RORB: variants seen among roughly 807,000 people sequenced by gnomAD.
RORB encodes the protein nuclear receptor ROR-beta.
In RORB, 6 loss-of-function variants were observed where a neutral mutation model predicts 59.1. That is an observed-to-expected ratio of 0.10 (90% CI 0.06 to 0.20). RORB has a LOEUF of 0.20. Ranked by LOEUF, RORB falls within the 10% of genes least tolerant of loss-of-function variation. The pLI, the probability that RORB is intolerant of heterozygous loss-of-function variation, is 1.00. For synonymous variants in RORB, 215 were observed against 204.5 expected (o/e 1.05, Z -0.44); for missense variants, 320 against 560.5 (o/e 0.57, Z 4.33).
intron 8 of RORB, among the ~76,000 whole-genome samples, chr9:74,669,661 A>G (rs1232282779): frequency 6.6e-6 from 1 of 152,182 alleles, no homozygotes. Context: ...CATCACTGAC[A>G]GGTCTCTACA....
At chr9:74,608,563 C>CAA (rs34028088) in intron 1 of RORB, among the ~76,000 whole-genome samples, 33,482 of 126,896 alleles carry the variant, frequency 0.26, 4,585 homozygotes, top group Non-Finnish European at 0.3. Context: ...GACTCCGTCT[C>CAA]AAAAAAAAAA....
intron 1 of RORB, among the ~76,000 whole-genome samples, chr9:74,570,567 A>G (rs966095394): frequency 6.6e-6 from 1 of 152,186 alleles, no homozygotes; most frequent in Non-Finnish European, 1.5e-5. Flanking sequence ...GTTATGCCAA[A>G]AAGAGTATTT....
chr9:74,650,058 A>G (rs1823967176), intron 4 of RORB, among the ~76,000 whole-genome samples: 1 of 152,226 alleles, frequency 6.6e-6, no homozygotes, highest in Admixed American at 6.5e-5. Flanking sequence ...CTGGAAAGCC[A>G]ACTCCATTTC....
At chr9:74,633,176 AT>A (rs1823647898) in intron 2 of RORB, among the ~76,000 whole-genome samples, 1 of 152,194 alleles carries the variant, frequency 6.6e-6, no homozygotes, top group African/African-American at 2.4e-5. Flanking sequence ...ACTATTGGGT[AT>A]TTTTGCATTA....
In RORB at chr9:74,686,971, C is replaced by T. The variant is rs1824658374; in HGVS notation, c.*1353C>T. The T allele has an allele frequency of 1.3e-5, 2 of 152,076 alleles. No homozygotes were observed. Among genetic ancestry groups the T allele is most frequent in the South Asian group, 4.1e-4 (2 of 4,826 alleles). The allele number at this position is 152,076 out of a possible 1,614,324, so 9.4% of individuals were successfully genotyped here. ...TTTACAGTTACATCATCCATTTACC[C>T]TAGAATTATTTTTTTAGCAACTTTT... On this transcript the variant is annotated 3_prime_UTR_variant, in exon 10 of 10. Transcript: ENST00000376896.
At chr9:74,507,289 T>A (rs1035006712) in intron 1 of RORB, among the ~76,000 whole-genome samples, 1 of 152,098 alleles carries the variant, frequency 6.6e-6, no homozygotes, top group Non-Finnish European at 1.5e-5. Flanking sequence ...TAGTAAACAG[T>A]AAACTGCTAT....
At chr9:74,624,587 G>C (rs1425997372) in intron 1 of RORB, among the ~76,000 whole-genome samples, 1 of 152,198 alleles carries the variant, frequency 6.6e-6, no homozygotes. Flanking sequence ...CAGTGGAACT[G>C]GTTCCCAGAG....
intron 1 of RORB, among the ~76,000 whole-genome samples, chr9:74,582,197 A>G (rs1162033295): frequency 6.6e-6 from 1 of 152,232 alleles, no homozygotes; most frequent in Non-Finnish European, 1.5e-5. Flanking sequence ...ACAAGTTTAT[A>G]ACCATACTTA....
At chr9:74,623,053 A>G (rs1167172565) in intron 1 of RORB, among the ~76,000 whole-genome samples, 1 of 152,222 alleles carries the variant, frequency 6.6e-6, no homozygotes, top group Non-Finnish European at 1.5e-5. Context: ...TTGGATTTCC[A>G]GAACTACTGT....
At chr9:74,613,063 A>G (rs534859431) in intron 1 of RORB, among the ~76,000 whole-genome samples, 1 of 152,332 alleles carries the variant, frequency 6.6e-6, no homozygotes, top group Non-Finnish European at 1.5e-5. Context: ...ATTACTTATG[A>G]ATTAATTAAT....
At chr9:74,512,890 C>T (rs1363850405) in intron 1 of RORB, among the ~76,000 whole-genome samples, 1 of 152,104 alleles carries the variant, frequency 6.6e-6, no homozygotes, top group African/African-American at 2.4e-5. Context: ...TGGTTCCCAA[C>T]ACGGAAAACT....
At position 74,515,745 on chromosome 9, in the gene RORB, C is replaced by T. The variant is rs1240209702; in HGVS notation, c.7+17762C>T. 2.0e-5 allele frequency among the ~76,000 whole-genome samples: 3 copies of T among 152,002 alleles called. No homozygotes were observed. In the East Asian group the frequency reaches 5.8e-4, roughly 29 times the overall value. ...CAAATTGTTAAGTAAGAGTACAACA[C>T]ACTATGGCATTCCCAAATGACATCT... is the stretch of plus-strand genomic sequence containing the variant. On this transcript the variant is annotated intron_variant, in intron 1 of 9. Transcript: ENST00000376896.
At chr9:74,668,443 G>A (rs1247722833) in intron 8 of RORB, among the ~76,000 whole-genome samples, 1 of 152,012 alleles carries the variant, frequency 6.6e-6, no homozygotes, top group East Asian at 1.9e-4. Context: ...ACAATGCAGG[G>A]GTCAGAGCAT....
chr9:74,563,724 C>T (rs1587361036), intron 1 of RORB, among the ~76,000 whole-genome samples: 1 of 152,296 alleles, frequency 6.6e-6, no homozygotes, highest in East Asian at 1.9e-4. Flanking sequence ...GCATGCAGAA[C>T]TAACAACAAA....
chr9:74,588,331 C>A (rs1307043851), intron 1 of RORB, among the ~76,000 whole-genome samples: 1 of 152,076 alleles, frequency 6.6e-6, no homozygotes, highest in East Asian at 1.9e-4. Context: ...ATATGTAGAA[C>A]AGTACAAAAA....
chr9:74,530,710 C>CT (rs1443294200), intron 1 of RORB, among the ~76,000 whole-genome samples: 1 of 151,864 alleles, frequency 6.6e-6, no homozygotes, highest in East Asian at 1.9e-4. Flanking sequence ...TTCCCAATGA[C>CT]TAATTGAGAT....
At chr9:74,660,894 TA>T (rs1824170260) in intron 5 of RORB, among the ~76,000 whole-genome samples, 156 bp downstream of exon 5, 1 of 152,186 alleles carries the variant, frequency 6.6e-6, no homozygotes, top group South Asian at 2.1e-4. Context: ...CCCTACCCAC[TA>T]GATGTGCCAT....
chr9:74,650,270 G>A (rs1823969798), intron 4 of RORB, among the ~76,000 whole-genome samples: 1 of 152,198 alleles, frequency 6.6e-6, no homozygotes, highest in Non-Finnish European at 1.5e-5. Context: ...GGCATTGCAA[G>A]CTTTGACATT....
chr9:74,597,824 G>A (rs1190011619), intron 1 of RORB, among the ~76,000 whole-genome samples: 1 of 152,024 alleles, frequency 6.6e-6, no homozygotes, highest in African/African-American at 2.4e-5. Context: ...TGGGCATGGG[G>A]GCAGGCGCCT....
Sources: gnomAD v4.1 joint callset for allele counts (sites outside exome capture counted in the v4.1 genomes callset) on GRCh38, gnomAD v4.1.1 for gene constraint, MANE v1.5 for transcripts, NCBI Gene and HGNC (gene_info 2026-07-23, HGNC 2026-07-21) for gene names.